Variants in TECTA observed in about 807,000 individuals in gnomAD.
TECTA encodes alpha-tectorin.
A neutral mutation model predicts 216.8 loss-of-function variants in TECTA; 128 were observed. That is an observed-to-expected ratio of 0.59 (90% CI 0.51 to 0.68). The LOEUF (loss-of-function observed/expected upper bound fraction) is 0.68. TECTA is among the 30% of genes least tolerant of loss of function. TECTA has a pLI of 0.00. For missense variants in TECTA, 2,551 were observed against 2,786.2 expected (o/e 0.92, Z 1.90); for synonymous variants, 1,089 against 1,117.1 (o/e 0.97, Z 0.50).
intron 20 of TECTA, among the ~76,000 whole-genome samples, chr11:121,171,919 T>G (rs1420243620): frequency 1.3e-5 from 2 of 152,208 alleles, no homozygotes; most frequent in Non-Finnish European, 2.9e-5. Flanking sequence ...TCTTGCTTGA[T>G]TGAACTGGCT....
At chr11:121,174,646 A>C (rs1199011010) in intron 20 of TECTA, among the ~76,000 whole-genome samples, 1 of 152,184 alleles carries the variant, frequency 6.6e-6, no homozygotes, top group Non-Finnish European at 1.5e-5. Context: ...ATTGGTCTAA[A>C]ATTCTCTTTT....
At chr11:121,128,432 C>T in intron 9 of TECTA, 88 bp downstream of exon 9, 3 of 1,307,212 alleles carry the variant, frequency 2.3e-6, no homozygotes, top group South Asian at 2.6e-5. Flanking sequence ...GCCTTTCTGC[C>T]TCTGCCTATG....
At chr11:121,160,479 TGGGTG>T in intron 15 of TECTA, 58 bp downstream of exon 15, 1 of 1,594,366 alleles carries the variant, frequency 6.3e-7, no homozygotes, top group Non-Finnish European at 8.5e-7. Context: ...CTCACGTCCA[TGGGTG>T]GTGTGAATGA....
In TECTA at chr11:121,102,714, C is replaced by G; in HGVS notation, c.49C>G (p.Leu17Val). Residue 17 changes from leucine (L) to valine (V), a missense_variant, in exon 2 of 24, where the codon CTT becomes GTT. Transcript: ENST00000392793. ...LRIWVSFIFA[L>V]VQHQAQPREL... ...AATTTGGGTCTCTTTCATCTTCGCACTTGTACAGCACCAAGGTGAGTACTA... is the reference window on the plus strand; with the variant it reads ...AATTTGGGTCTCTTTCATCTTCGCAGTTGTACAGCACCAAGGTGAGTACTA... The G allele has an allele frequency of 6.2e-7, 1 of 1,613,668 alleles. No homozygotes were observed. Among genetic ancestry groups the G allele is most frequent in the Non-Finnish European group, 8.5e-7 (1 of 1,179,620 alleles).
chr11:121,125,716 G>A lies in TECTA; in HGVS notation c.1618G>A (p.Val540Ile), dbSNP rs1161197468. 1 of 1,613,190 alleles carries A rather than the reference G, an allele frequency of 6.2e-7. No homozygotes were observed. Among genetic ancestry groups the A allele is most frequent in the East Asian group, 2.2e-5 (1 of 44,834 alleles). ...CGGCCCTCTGTGGGAGTGTGGCACT[G>A]TCGTGGACCCCACTGCTTTTGTGCA... ...TDGPLWECGTVVDPTAFVHSC... is the reference protein window; with the variant it reads ...TDGPLWECGTIVDPTAFVHSC... The change falls in exon 8 of 24, where the codon GTC becomes ATC. Residue 540 changes from valine (V) to isoleucine (I), a missense_variant. This residue lies in a region of TECTA where 2,375 missense variants were observed against 2,563.9 expected (regional missense o/e 0.93). Transcript: ENST00000392793.
chr11:121,165,484 T>C, intron 17 of TECTA, 101 bp downstream of exon 17: 3 of 943,128 alleles, frequency 3.2e-6, no homozygotes, highest in African/African-American at 1.7e-5. Flanking sequence ...CTTTCCCAAA[T>C]AGTGAAGCTT....
chr11:121,127,790 G>T lies in TECTA; in HGVS notation c.1813G>T (p.Val605Leu), dbSNP rs1390890390. The T allele has an allele frequency of 6.2e-7, 1 of 1,614,114 alleles. No individual in the cohort carries two copies. Among genetic ancestry groups the T allele is most frequent in the South Asian group, 1.1e-5 (1 of 91,072 alleles). The part of the protein sequence containing the change: ...VQCPSFSHYS[V>L]CTSSCPDTCS... The stretch of plus-strand genomic sequence containing the variant: ...GTGCCCGAGCTTCAGCCACTACTCC[G>T]TGTGCACAAGCAGCTGCCCCGACAC... The change falls in exon 9 of 24, where the codon GTG becomes TTG. Residue 605 changes from valine (V) to leucine (L), a missense_variant. Coordinates refer to ENST00000392793, the MANE Select transcript of TECTA (RefSeq NM_005422.4). This position sits in a 1 kb window ranked among gnomAD's most constrained non-coding sequence, Gnocchi z 5.0.
At chr11:121,188,991 C>CCACT (rs1947314667) in intron 21 of TECTA, 89 bp from the exon 22 acceptor site, 3 of 1,340,168 alleles carry the variant, frequency 2.2e-6, no homozygotes, top group Non-Finnish European at 3.2e-6. Context: ...GAGGCCAGAG[C>CCACT]CACTGCCTCT....
Position 121,113,479 on chromosome 11 carries a change from A to C in TECTA, c.625-74A>C. 7.5e-6 allele frequency: 12 copies of C among 1,595,446 alleles called. No individual in the cohort carries two copies. The highest frequency in any genetic ancestry group is 1.0e-5 in the Non-Finnish European group (12 of 1,163,676). On this transcript the variant is annotated intron_variant, in intron 5 of 23. Transcript: ENST00000392793. The surrounding 1 kb of genome is among the most constrained non-coding windows in gnomAD (Gnocchi z 4.2). The stretch of plus-strand genomic sequence containing the variant: ...GATTTTAGAGGTGCTGGATTTTAAA[A>C]ATAAGGTAGTTGGGCCAGTTAACCC...
intron 20 of TECTA, among the ~76,000 whole-genome samples, chr11:121,187,463 T>G (rs2134215181): frequency 6.6e-6 from 1 of 152,262 alleles, no homozygotes; most frequent in East Asian, 1.9e-4. Context: ...CTGAAGAAAG[T>G]ACAGAAGAAG....
At chr11:121,124,097 G>T (rs879578640) in intron 7 of TECTA, among the ~76,000 whole-genome samples, 1 of 152,134 alleles carries the variant, frequency 6.6e-6, no homozygotes, top group Non-Finnish European at 1.5e-5. Context: ...AGTATTTCCT[G>T]CTCTTTATTT....
intron 2 of TECTA, 96 bp downstream of exon 2, chr11:121,102,825 C>T: frequency 3.0e-6 from 3 of 1,012,546 alleles, no homozygotes; most frequent in Non-Finnish European, 3.1e-6. Context: ...AGGGCAGGTG[C>T]ATGTGTGTCT....
At chr11:121,146,211 T>C in intron 12 of TECTA, 95 bp downstream of exon 12, 1 of 1,455,456 alleles carries the variant, frequency 6.9e-7, no homozygotes, top group Non-Finnish European at 9.4e-7. Context: ...TCAGAGCAAA[T>C]TGAGTAGCAA....
At chr11:121,168,279 T>C in intron 19 of TECTA, 62 bp downstream of exon 19, 1 of 1,602,282 alleles carries the variant, frequency 6.2e-7, no homozygotes, top group Non-Finnish European at 8.5e-7. Context: ...AAGGTTAGCA[T>C]AATCAAAATT....
chr11:121,146,893 A>C (rs1045866278), intron 12 of TECTA, among the ~76,000 whole-genome samples: 21 of 152,220 alleles, frequency 1.4e-4, no homozygotes, highest in African/African-American at 4.6e-4. Context: ...CAATGACCCA[A>C]TTAGTCAAGG....
intron 20 of TECTA, among the ~76,000 whole-genome samples, chr11:121,180,154 G>T (rs544199420): frequency 6.6e-6 from 1 of 151,052 alleles, no homozygotes; most frequent in East Asian, 2.0e-4. Flanking sequence ...TTGTAGTTTG[G>T]TGGCTTTCTG....
Position 121,127,866 on chromosome 11 carries a change from G to A in TECTA, c.1889G>A (p.Gly630Asp). 1.2e-6 allele frequency: 2 copies of A among 1,614,064 alleles called. No homozygotes were observed. Among genetic ancestry groups the A allele is most frequent in the Non-Finnish European group, 1.7e-6 (2 of 1,180,024 alleles). ...AACTGCGCCACGCCGTGCACAGAGG[G>A]CTGCGAGTGCAACCAGGGCTTCGTC... is the stretch of plus-strand genomic sequence containing the variant. ...SRNCATPCTE[G>D]CECNQGFVLS... is the part of the protein sequence containing the mutation. The change falls in exon 9 of 24, where the codon GGC becomes GAC. Residue 630 changes from glycine (G) to aspartate (D), a missense_variant. Around this residue, in one of 3 missense-constraint regions of TECTA, gnomAD observed 2,375 missense variants for 2,563.9 expected, o/e 0.93. Coordinates refer to ENST00000392793, the MANE Select transcript of TECTA (RefSeq NM_005422.4). The surrounding 1 kb of genome is among the most constrained non-coding windows in gnomAD (Gnocchi z 5.0).
chr11:121,110,268 A>G (rs1427888796), intron 4 of TECTA: 1 of 152,326 alleles, frequency 6.6e-6, no homozygotes, highest in East Asian at 1.9e-4. Context: ...TAGTAGACAC[A>G]TCTTCAACTG....
intron 12 of TECTA, among the ~76,000 whole-genome samples, chr11:121,152,580 G>A (rs1422970890): frequency 6.6e-6 from 1 of 152,146 alleles, no homozygotes; most frequent in Admixed American, 6.5e-5. Context: ...ATTCAGATGG[G>A]CGGTGGGTTC....
Sources: allele counts gnomAD v4.1 joint callset (sites outside exome capture counted in the v4.1 genomes callset), GRCh38; gene constraint gnomAD v4.1.1; regional missense constraint gnomAD v4.1.1; non-coding constraint Gnocchi (gnomAD v3.1); transcripts MANE v1.5; gene names NCBI Gene and HGNC (gene_info 2026-07-23, HGNC 2026-07-21).